Variants in ABCB5 observed in about 807,000 individuals in gnomAD.
ABCB5 encodes ATP binding cassette subfamily B member 5.
A neutral mutation model predicts 144.2 loss-of-function variants in ABCB5; 155 were observed. The ratio of observed to expected loss-of-function variants is 1.08; its 90% CI spans 0.94 to 1.23. ABCB5 has a LOEUF of 1.23. ABCB5 is among the 50% of genes most tolerant of loss of function. The probability of loss-of-function intolerance (pLI) is 0.00; values close to 1 mark genes in which losing one functional copy is unlikely to be tolerated. For synonymous variants in ABCB5, 610 were observed against 528.6 expected, an observed-to-expected ratio of 1.15 and a Z score of -2.11; for missense variants, 1,830 against 1,520.8, an observed-to-expected ratio of 1.20 and a Z score of -3.38.
intron 21 of ABCB5, among the ~76,000 whole-genome samples, chr7:20,724,168 G>A (rs1406645530): frequency 7.1e-6 from 1 of 140,226 alleles, no homozygotes. Context: ...GTGGTAGGCA[G>A]TTCTTTTCCT....
rs773320453 is a variant in ABCB5, at chr7:20,742,992, C to T, written c.3140C>T (p.Ala1047Val). Residue 1047 changes from alanine to valine, a missense_variant, in exon 25 of 28, where the codon GCA (alanine) becomes GTA (valine). Coordinates refer to ENST00000404938, the MANE Select transcript of ABCB5 (RefSeq NM_001163941.2). ...SLSIERGKTVAFVGSSGCGKS... is the reference protein window; with the variant it reads ...SLSIERGKTVVFVGSSGCGKS... ...AGTATTGAGCGAGGAAAGACAGTAG[C>T]ATTTGTGGGGAGCAGCGGCTGTGGG... The T allele has an allele frequency of 6.2e-7, 1 of 1,614,186 alleles. No homozygotes were observed.
intron 20 of ABCB5, among the ~76,000 whole-genome samples, chr7:20,720,540 T>C (rs2128049020): frequency 6.6e-6 from 1 of 152,028 alleles, no homozygotes; most frequent in Non-Finnish European, 1.5e-5. Context: ...TTCTCTAAGA[T>C]GCATAATTTG....
At chr7:20,629,108 T>G (rs1783974253) in intron 4 of ABCB5, among the ~76,000 whole-genome samples, 1 of 147,806 alleles carries the variant, frequency 6.8e-6, no homozygotes, top group African/African-American at 2.5e-5. Flanking sequence ...ACAGCATGGA[T>G]AGGATGTGCG....
chr7:20,676,671 C>T (rs1293961121), intron 14 of ABCB5, among the ~76,000 whole-genome samples: 2 of 152,146 alleles, frequency 1.3e-5, no homozygotes, highest in African/African-American at 4.8e-5. Flanking sequence ...GACATTAACA[C>T]TACAACATTG....
chr7:20,712,265 A>T (rs1364369471), intron 20 of ABCB5, among the ~76,000 whole-genome samples: 2 of 141,904 alleles, frequency 1.4e-5, no homozygotes, highest in African/African-American at 5.2e-5. Context: ...TTTTCCTCTG[A>T]TCATAATGTA....
At chr7:20,731,369 A>AAAAAAAAAAAAAAAAATATAT (rs57305244) in intron 23 of ABCB5, among the ~76,000 whole-genome samples, 1 of 123,104 alleles carries the variant, frequency 8.1e-6, no homozygotes, top group African/African-American at 3.3e-5. Context: ...AAAAAAAAAA[A>AAAAAAAAAAAAAAAAATATAT]ATATATATAT....
At chr7:20,730,258 C>A (rs571943165) in intron 23 of ABCB5, among the ~76,000 whole-genome samples, 2 of 152,294 alleles carry the variant, frequency 1.3e-5, no homozygotes, top group African/African-American at 4.8e-5. Flanking sequence ...GCCTCTAATC[C>A]CAGCACTTTG....
intron 14 of ABCB5, among the ~76,000 whole-genome samples, chr7:20,670,482 G>A (rs139013290): frequency 1.3e-5 from 2 of 152,240 alleles, no homozygotes; most frequent in African/African-American, 2.4e-5. Flanking sequence ...GGAAGGCAGT[G>A]AGTGGGAACT....
chr7:20,644,184 C>T (rs142699781), intron 7 of ABCB5, among the ~76,000 whole-genome samples: 1 of 151,926 alleles, frequency 6.6e-6, no homozygotes, highest in African/African-American at 2.4e-5. Flanking sequence ...TTCCCAGGCT[C>T]AAGTCATCCT....
chr7:20,656,185 T>G (rs888674070), intron 13 of ABCB5, among the ~76,000 whole-genome samples: 13 of 152,132 alleles, frequency 8.5e-5, no homozygotes, highest in African/African-American at 3.1e-4. Flanking sequence ...CTTCAAAAAT[T>G]AAAACTTACG....
intron 25 of ABCB5, among the ~76,000 whole-genome samples, chr7:20,744,862 C>T (rs115674182): frequency 0.015 from 2,281 of 152,232 alleles, 58 homozygotes; most frequent in African/African-American, 0.049. Flanking sequence ...GTCCCCCTCA[C>T]GTAGTGAGCA....
intron 20 of ABCB5, among the ~76,000 whole-genome samples, chr7:20,711,894 T>TCCCTCCC (rs1787085160): frequency 1.8e-5 from 2 of 110,170 alleles, no homozygotes; most frequent in African/African-American, 6.9e-5. Context: ...CCCTCCCTCC[T>TCCCTCCC]TCCTTCCTTC....
chr7:20,700,250 T>C lies in ABCB5; in HGVS notation c.2337+115T>C, dbSNP rs1029792499. 4.5e-5 allele frequency: 43 copies of C among 948,102 alleles called. 1 individual carries two copies. Among genetic ancestry groups the C allele is most frequent in the Non-Finnish European group, 1.5e-6 (1 of 656,554 alleles). The allele number at this position is 948,102 out of a possible 1,614,324, so 58.7% of individuals were successfully genotyped here. ...ATAATCTTTCTTTGAAAGCACACTC[T>C]TTTTGTTCTAAGCAGCAAAAATCTG... On this transcript the variant is annotated intron_variant, in intron 19 of 27. Coordinates refer to ENST00000404938, the MANE Select transcript of ABCB5 (RefSeq NM_001163941.2).
intron 9 of ABCB5, 28 bp downstream of exon 9, chr7:20,646,166 A>T: frequency 6.3e-7 from 1 of 1,582,564 alleles, no homozygotes; most frequent in Non-Finnish European, 8.6e-7. Context: ...ACAAGGTGTC[A>T]GGCCTGGATA....
intron 19 of ABCB5, among the ~76,000 whole-genome samples, chr7:20,704,278 T>C (rs1017307862): frequency 6.6e-6 from 1 of 151,972 alleles, no homozygotes; most frequent in African/African-American, 2.4e-5. Context: ...AGTTTTGCCA[T>C]GTTGGCCAGG....
Position 20,745,247 on chromosome 7 carries a change from G to C in ABCB5, c.3238G>C (p.Asp1080His). ...CTTTTGGCAGCTGTTTGATGGTGTG[G>C]ATGCAAAAGAATTGAATGTACAGTG... ...VQGQVLFDGV[D>H]AKELNVQWLR... The change falls in exon 26 of 28, where the codon GAT becomes CAT. Residue 1080 changes from aspartate (D) to histidine (H), a missense_variant. By Grantham distance (81) the Asp-to-His change is moderately conservative. Transcript: ENST00000404938. The C allele has an allele frequency of 6.2e-7, 1 of 1,613,920 alleles. No homozygotes were observed.
rs1274579444 is a variant in ABCB5, at chr7:20,647,996, C to G, written c.1124C>G (p.Ala375Gly). ...CCCAGTATAGATAACTTTTCCACAG[C>G]TGGATATAAACCTGAATCCATAGAA... ...KKPSIDNFST[A>G]GYKPESIEGT... Residue 375 changes from alanine (A) to glycine (G), a missense_variant, in exon 11 of 28, where the codon GCT (alanine) becomes GGT (glycine). Transcript: ENST00000404938. The G allele has an allele frequency of 6.2e-7, 1 of 1,610,566 alleles. No individual in the cohort carries two copies. Among genetic ancestry groups the G allele is most frequent in the African/African-American group, 1.3e-5 (1 of 74,992 alleles).
chr7:20,616,412 T>C (rs1400903816), intron 1 of ABCB5, among the ~76,000 whole-genome samples: 1 of 152,252 alleles, frequency 6.6e-6, no homozygotes, highest in Non-Finnish European at 1.5e-5. Context: ...CAGATTATTC[T>C]TACCAAGGAT....
Position 20,745,335 on chromosome 7 carries a change from A to G in ABCB5, c.3326A>G (p.Glu1109Gly), listed in dbSNP as rs1782686137. 6.8e-6 allele frequency: 11 copies of G among 1,614,172 alleles called. No homozygotes were observed. The East Asian group carries it at 2.5e-4, about 36-fold the overall frequency. Reference sequence around the variant, plus strand: ...GTGCTCTTCAACTGCAGCATTGCTGAGAACATCGCCTATGGTGACAACAGC... The same window carrying G: ...GTGCTCTTCAACTGCAGCATTGCTGGGAACATCGCCTATGGTGACAACAGC... ...EPVLFNCSIA[E>G]NIAYGDNSRV... The change falls in exon 26 of 28, where the codon GAG becomes GGG. Residue 1109 changes from glutamate (E) to glycine (G), a missense_variant. Transcript: ENST00000404938.
Sources: allele counts gnomAD v4.1 joint callset (sites outside exome capture counted in the v4.1 genomes callset), GRCh38; gene constraint gnomAD v4.1.1; transcripts MANE v1.5; gene names NCBI Gene and HGNC (gene_info 2026-07-23, HGNC 2026-07-21).